The following DIP2C variants were observed in gnomAD, a reference collection of about 807,000 sequenced individuals.
DIP2C encodes DIP2 acetate--CoA ligase C (putative).
Under a neutral mutation model 192.4 loss-of-function variants are expected in DIP2C, and 33 were observed. The observed-to-expected ratio is 0.17, with a 90% CI of 0.13 to 0.23. DIP2C has a LOEUF of 0.23. DIP2C is among the 10% of genes least tolerant of loss of function. DIP2C has a pLI of 1.00. For missense variants in DIP2C, 1,537 were observed against 2,110.1 expected (o/e 0.73, Z 5.32); for synonymous variants, 979 against 864.1 (o/e 1.13, Z -2.33).
rs1161125405 is a variant in DIP2C at position 466,068 on chromosome 10, C to T, written c.268+6371G>A. On this transcript the variant is annotated intron_variant, in intron 3 of 36. Transcript: ENST00000280886. ...AAGTTCATATGGAACCAAAAAAGAG[C>T]CCGCATCACCAAGTCAATCCTAAGC... 2.0e-5 allele frequency among the ~76,000 whole-genome samples: 3 copies of T among 148,068 alleles called. No individual in the cohort carries two copies. The Admixed American group carries it at 2.0e-4, about 10-fold the overall frequency.
intron 17 of DIP2C, among the ~76,000 whole-genome samples, chr10:379,696 T>C (rs1341512886): frequency 6.6e-6 from 1 of 152,268 alleles, no homozygotes; most frequent in Admixed American, 6.5e-5. Flanking sequence ...AGCAAATGCA[T>C]CTGCAATTTT....
intron 3 of DIP2C, among the ~76,000 whole-genome samples, chr10:447,096 G>A (rs1564723336): frequency 6.6e-6 from 1 of 152,256 alleles, no homozygotes; most frequent in Non-Finnish European, 1.5e-5. Context: ...CCAACATGCT[G>A]ACAGAGCTGG....
intron 1 of DIP2C, among the ~76,000 whole-genome samples, chr10:591,886 T>C (rs930911584): frequency 6.6e-6 from 1 of 152,220 alleles, no homozygotes; most frequent in Non-Finnish European, 1.5e-5. Flanking sequence ...AGCGGCGGCC[T>C]GAATGAGGCG....
At chr10:412,243 T>C (rs1965233756) in intron 8 of DIP2C, among the ~76,000 whole-genome samples, 2 of 152,230 alleles carry the variant, frequency 1.3e-5, no homozygotes, top group Admixed American at 6.5e-5. Flanking sequence ...TCTGTGCCAA[T>C]GCATACTGCA....
intron 4 of DIP2C, among the ~76,000 whole-genome samples, chr10:425,063 C>T (rs1446066815): frequency 1.2e-3 from 113 of 97,324 alleles, no homozygotes; most frequent in East Asian, 2.9e-3. Context: ...TAATATGACA[C>T]GGATGATACA....
intron 1 of DIP2C, among the ~76,000 whole-genome samples, chr10:676,371 T>G (rs1051779301): frequency 4.6e-5 from 7 of 152,056 alleles, no homozygotes; most frequent in African/African-American, 1.7e-4. Flanking sequence ...CGCCCACTTG[T>G]ACCACTCCTA....
At chr10:458,950 G>T (rs9419456) in intron 3 of DIP2C, among the ~76,000 whole-genome samples, 1 of 149,592 alleles carries the variant, frequency 6.7e-6, no homozygotes, top group Non-Finnish European at 1.5e-5. Flanking sequence ...CTCAAGGATG[G>T]GTTCAGAAGC....
intron 31 of DIP2C, among the ~76,000 whole-genome samples, chr10:319,924 G>C (rs1170107316): frequency 6.6e-6 from 1 of 152,176 alleles, no homozygotes; most frequent in Non-Finnish European, 1.5e-5. Context: ...GACCTAACTA[G>C]ATGCTGTCTG....
intron 1 of DIP2C, among the ~76,000 whole-genome samples, chr10:540,998 CG>C (rs1158701152): frequency 4.8e-5 from 7 of 146,168 alleles, no homozygotes; most frequent in Non-Finnish European, 7.5e-5. Context: ...CCACAACACC[CG>C]ATGCTGGGGA....
rs1588711624 is a variant in DIP2C at position 661,902 on chromosome 10, G to A, written c.85+27592C>T. 6.3e-6 allele frequency: 4 copies of A among 631,714 alleles called. No individual in the cohort carries two copies. In the East Asian group the frequency reaches 1.1e-4, roughly 17 times the overall value. 39.1% of individuals were successfully genotyped at this position (631,714 alleles called of 1,614,324 possible). ...CCAGCAAAGCACAACGCCGACCTCA[G>A]GGTGTAGACTCACAGCTTCATCTGC... On this transcript the variant is annotated intron_variant, in intron 1 of 36. Transcript: ENST00000280886.
intron 32 of DIP2C, among the ~76,000 whole-genome samples, chr10:302,653 C>A (rs188442252): frequency 6.6e-6 from 1 of 152,216 alleles, no homozygotes; most frequent in Non-Finnish European, 1.5e-5. Context: ...GCCTCCTACG[C>A]TCCTATGCTG....
At chr10:533,229 G>GAA (rs1422426070) in intron 1 of DIP2C, among the ~76,000 whole-genome samples, 2 of 152,132 alleles carry the variant, frequency 1.3e-5, no homozygotes, top group Non-Finnish European at 2.9e-5. Flanking sequence ...GAGAAAGAAA[G>GAA]AAGGGTGGAA....
chr10:462,057 A>C (rs1039490887), intron 3 of DIP2C, among the ~76,000 whole-genome samples: 4 of 152,200 alleles, frequency 2.6e-5, no homozygotes, highest in African/African-American at 9.6e-5. Flanking sequence ...TATAGCACTA[A>C]ATGCCCACAA....
intron 29 of DIP2C, among the ~76,000 whole-genome samples, chr10:338,350 T>TACTCACCA (rs1472054026): frequency 6.6e-6 from 1 of 152,052 alleles, no homozygotes; most frequent in African/African-American, 2.4e-5. Flanking sequence ...AGGTGCCGCT[T>TACTCACCA]ACTCACCAAC....
chr10:582,555 C>T (rs995046873), intron 1 of DIP2C, among the ~76,000 whole-genome samples: 1 of 152,164 alleles, frequency 6.6e-6, no homozygotes, highest in Non-Finnish European at 1.5e-5. Context: ...TGCATGCCAG[C>T]CTGGGTGACA....
intron 26 of DIP2C, among the ~76,000 whole-genome samples, chr10:346,628 ACC>A (rs1958482218): frequency 7.3e-6 from 1 of 137,460 alleles, no homozygotes; most frequent in African/African-American, 2.8e-5. Flanking sequence ...TCTCCCGGGA[ACC>A]CCACACTCAC....
intron 19 of DIP2C, among the ~76,000 whole-genome samples, chr10:365,930 C>CTG (rs1960139119): frequency 6.6e-6 from 1 of 152,272 alleles, no homozygotes; most frequent in Non-Finnish European, 1.5e-5. Context: ...GGCCAAGGGG[C>CTG]TGTAAAGGGG....
At chr10:549,247 C>T (rs1848466248) in intron 1 of DIP2C, among the ~76,000 whole-genome samples, 1 of 151,906 alleles carries the variant, frequency 6.6e-6, no homozygotes, top group African/African-American at 2.4e-5. Flanking sequence ...CTTTTTAGAC[C>T]TTTTTTCCCC....
At chr10:610,355 CAGG>C (rs1054833707) in intron 1 of DIP2C, among the ~76,000 whole-genome samples, 17 of 152,128 alleles carry the variant, frequency 1.1e-4, no homozygotes, top group African/African-American at 3.4e-4. Flanking sequence ...CACAGCCTGA[CAGG>C]AGCACAAGAT....
Sources: gnomAD v4.1 joint callset for allele counts (sites outside exome capture counted in the v4.1 genomes callset) on GRCh38, gnomAD v4.1.1 for gene constraint, MANE v1.5 for transcripts, NCBI Gene and HGNC (gene_info 2026-07-23, HGNC 2026-07-21) for gene names.